Variants in SERGEF observed in about 807,000 individuals in gnomAD.
The protein encoded by SERGEF is secretion-regulating guanine nucleotide exchange factor.
SERGEF carries 51 observed loss-of-function variants against 50.0 expected under a neutral mutation model. The observed-to-expected ratio is 1.02, with a 90% CI of 0.81 to 1.29. The LOEUF (loss-of-function observed/expected upper bound fraction) is 1.29, where lower values mean the gene tolerates loss of function less well. Ranked by LOEUF, SERGEF falls within the 50% of genes most tolerant of loss-of-function variation. SERGEF has a pLI of 0.00. For synonymous variants in SERGEF, 205 were observed against 212.4 expected, an observed-to-expected ratio of 0.97 and a Z score of 0.30; for missense variants, 521 against 557.0, an observed-to-expected ratio of 0.94 and a Z score of 0.65.
At chr11:17,802,868 A>G (rs1306726318) in intron 10 of SERGEF, among the ~76,000 whole-genome samples, 1 of 152,220 alleles carries the variant, frequency 6.6e-6, no homozygotes, top group African/African-American at 2.4e-5. Context: ...CCAGCACGTA[A>G]TACCCTATCA....
At chr11:17,875,593 C>T (rs1280636750) in intron 10 of SERGEF, among the ~76,000 whole-genome samples, 2 of 152,242 alleles carry the variant, frequency 1.3e-5, no homozygotes, top group Non-Finnish European at 2.9e-5. Context: ...ATCTCTACAA[C>T]CTGTTTAACC....
chr11:17,917,815 T>A (rs1411609626), intron 9 of SERGEF, among the ~76,000 whole-genome samples: 1 of 152,200 alleles, frequency 6.6e-6, no homozygotes, highest in Non-Finnish European at 1.5e-5. Context: ...ACTGACTAAA[T>A]CAGATTCTGC....
chr11:17,797,023 A>T (rs186409733), intron 10 of SERGEF, among the ~76,000 whole-genome samples: 1 of 152,310 alleles, frequency 6.6e-6, no homozygotes, highest in East Asian at 1.9e-4. Context: ...AGGTAAGAAA[A>T]GGGCAGGGCC....
chr11:17,911,956 A>C (rs1851962742), intron 9 of SERGEF, among the ~76,000 whole-genome samples: 1 of 152,214 alleles, frequency 6.6e-6, no homozygotes, highest in African/African-American at 2.4e-5. Flanking sequence ...TGACAAATTT[A>C]GCTTTGGATA....
At chr11:17,838,880 T>G (rs1222444299) in intron 10 of SERGEF, among the ~76,000 whole-genome samples, 1 of 152,204 alleles carries the variant, frequency 6.6e-6, no homozygotes, top group Non-Finnish European at 1.5e-5. Flanking sequence ...GTGTTTACAT[T>G]ATGTCAGGCT....
chr11:17,841,853 T>C (rs1011913542), intron 10 of SERGEF, among the ~76,000 whole-genome samples: 3 of 152,176 alleles, frequency 2.0e-5, no homozygotes, highest in Non-Finnish European at 2.9e-5. Flanking sequence ...GGGGCCATAT[T>C]TGTCCATATG....
chr11:17,804,505 CAAATAT>C (rs2133828965), intron 10 of SERGEF, among the ~76,000 whole-genome samples: 1 of 152,334 alleles, frequency 6.6e-6, no homozygotes, highest in South Asian at 2.1e-4. Flanking sequence ...CATTTATTCA[CAAATAT>C]TTGTTAGGTG....
chr11:17,973,167 G>A (rs1183284264), intron 8 of SERGEF, among the ~76,000 whole-genome samples: 1 of 152,166 alleles, frequency 6.6e-6, no homozygotes, highest in African/African-American at 2.4e-5. Context: ...TCCCAAGCAC[G>A]CCTAAACCTG....
chr11:17,931,739 T>C (rs1852356484), intron 9 of SERGEF, among the ~76,000 whole-genome samples: 1 of 152,176 alleles, frequency 6.6e-6, no homozygotes, highest in South Asian at 2.1e-4. Context: ...ACTGGGGCTG[T>C]GGTTCTCAAA....
chr11:17,833,492 C>T (rs879384539), intron 10 of SERGEF, among the ~76,000 whole-genome samples: 3 of 152,190 alleles, frequency 2.0e-5, no homozygotes, highest in Non-Finnish European at 4.4e-5. Context: ...AGAGTCCCTA[C>T]TGGGGCACTG....
At chr11:17,816,274 A>G (rs1849973368) in intron 10 of SERGEF, among the ~76,000 whole-genome samples, 1 of 152,214 alleles carries the variant, frequency 6.6e-6, no homozygotes, top group East Asian at 1.9e-4. Flanking sequence ...CTCTTTCCTC[A>G]GTTCCCATTA....
intron 10 of SERGEF, among the ~76,000 whole-genome samples, chr11:17,789,857 T>C (rs1849450961): frequency 6.6e-6 from 1 of 152,182 alleles, no homozygotes; most frequent in Admixed American, 6.5e-5. Context: ...TGGTGGTGCA[T>C]GCCTGTAATC....
chr11:17,990,489 C>A (rs1261788494), intron 7 of SERGEF, among the ~76,000 whole-genome samples: 1 of 152,204 alleles, frequency 6.6e-6, no homozygotes, highest in Non-Finnish European at 1.5e-5. Flanking sequence ...AGCAAAGTAT[C>A]AATCCATTAA....
intron 4 of SERGEF, among the ~76,000 whole-genome samples, chr11:18,002,999 T>C (rs1853996573): frequency 6.6e-6 from 1 of 152,246 alleles, no homozygotes; most frequent in African/African-American, 2.4e-5. Flanking sequence ...ATAACTTATA[T>C]GTAGGTGCTT....
chr11:17,976,457 ATTT>A (rs67114053), intron 8 of SERGEF, among the ~76,000 whole-genome samples: 2,094 of 99,004 alleles, frequency 0.021, 64 homozygotes, highest in African/African-American at 0.069. Context: ...GCTAATTTTC[ATTT>A]TTTTTTTTTT....
chr11:17,881,701 T>G (rs1271471126), intron 9 of SERGEF, among the ~76,000 whole-genome samples: 1 of 152,200 alleles, frequency 6.6e-6, no homozygotes, highest in African/African-American at 2.4e-5. Flanking sequence ...TGATTTGACC[T>G]CTTGGGCCTC....
chr11:17,988,202 C>T (rs968177817), intron 8 of SERGEF, among the ~76,000 whole-genome samples: 2 of 152,120 alleles, frequency 1.3e-5, no homozygotes, highest in African/African-American at 4.8e-5. Context: ...ATGTTCCTAC[C>T]TCAATCTTTA....
At chr11:17,925,183 G>A (rs79112260) in intron 9 of SERGEF, among the ~76,000 whole-genome samples, 1,518 of 151,178 alleles carry the variant, frequency 0.01, 41 homozygotes, top group East Asian at 0.05. Flanking sequence ...ACATGACTAG[G>A]CCACTGGGCA....
chr11:17,850,323 T>C (rs1383811306), intron 10 of SERGEF, among the ~76,000 whole-genome samples: 1 of 152,222 alleles, frequency 6.6e-6, no homozygotes, highest in African/African-American at 2.4e-5. Context: ...AGGACATTCA[T>C]GCTCTCCAAA....
Sources: allele counts gnomAD v4.1 joint callset (sites outside exome capture counted in the v4.1 genomes callset), GRCh38; gene constraint gnomAD v4.1.1; transcripts MANE v1.5; gene names NCBI Gene and HGNC (gene_info 2026-07-23, HGNC 2026-07-21).